The following LDAH variants were observed in gnomAD, a reference collection of about 807,000 sequenced individuals.
The protein encoded by LDAH is lipid droplet associated hydrolase.
In LDAH, 26 loss-of-function variants were observed where a neutral mutation model predicts 29.6. The ratio of observed to expected loss-of-function variants is 0.88; its 90% CI spans 0.64 to 1.22. The LOEUF (loss-of-function observed/expected upper bound fraction) is 1.22, where lower values mean the gene tolerates loss of function less well. Ranked by LOEUF, LDAH falls within the 50% of genes most tolerant of loss-of-function variation. LDAH has a pLI of 0.00. For missense variants in LDAH, 344 were observed against 387.3 expected, an observed-to-expected ratio of 0.89 and a Z score of 0.94; for synonymous variants, 117 against 133.0, an observed-to-expected ratio of 0.88 and a Z score of 0.83.
At chr2:20,687,408 C>T (rs1011196950) in intron 6 of LDAH, among the ~76,000 whole-genome samples, 5 of 152,132 alleles carry the variant, frequency 3.3e-5, no homozygotes, top group Admixed American at 2.0e-4. Context: ...GAATGAAGGC[C>T]GGTGAGGATG....
At chr2:20,753,822 A>T (rs1011185980) in intron 4 of LDAH, among the ~76,000 whole-genome samples, 3 of 152,202 alleles carry the variant, frequency 2.0e-5, no homozygotes, top group African/African-American at 7.2e-5. Flanking sequence ...TCTTGCTTAA[A>T]ATTGCAGTTA....
At chr2:20,811,515 TGCTCTGTCGCCCAG>T (rs1041668459) in intron 1 of LDAH, among the ~76,000 whole-genome samples, 2 of 150,214 alleles carry the variant, frequency 1.3e-5, no homozygotes, top group Non-Finnish European at 3.0e-5. Context: ...AGATGAGTCT[TGCTCTGTCGCCCAG>T]GCTGGAGTGC....
At chr2:20,782,134 G>A (rs1251120428) in intron 3 of LDAH, among the ~76,000 whole-genome samples, 1 of 152,170 alleles carries the variant, frequency 6.6e-6, no homozygotes, top group Non-Finnish European at 1.5e-5. Flanking sequence ...CCCAGGACCA[G>A]CAGCACCAAT....
chr2:20,793,365 G>T, intron 2 of LDAH, among the ~76,000 whole-genome samples: 1 of 152,184 alleles, frequency 6.6e-6, no homozygotes, highest in Non-Finnish European at 1.5e-5. Flanking sequence ...TGAGGGAAGA[G>T]AATAAATACT....
chr2:20,808,120 A>G (rs554940610), intron 1 of LDAH, among the ~76,000 whole-genome samples: 1 of 152,266 alleles, frequency 6.6e-6, no homozygotes, highest in South Asian at 2.1e-4. Flanking sequence ...TTAGGAATAA[A>G]TCTAACAAAT....
chr2:20,780,197 T>C (rs538640386), intron 3 of LDAH, among the ~76,000 whole-genome samples: 2 of 152,310 alleles, frequency 1.3e-5, no homozygotes, highest in Admixed American at 6.5e-5. Flanking sequence ...CTATCTTATT[T>C]AGAAAACAAA....
chr2:20,711,334 G>A (rs187842246), intron 5 of LDAH, among the ~76,000 whole-genome samples: 1 of 151,280 alleles, frequency 6.6e-6, no homozygotes, highest in East Asian at 1.9e-4. Context: ...GAAGTGGGCC[G>A]AGATTGCGCC....
chr2:20,813,776 T>C (rs1041750730), intron 1 of LDAH, among the ~76,000 whole-genome samples: 2 of 152,224 alleles, frequency 1.3e-5, no homozygotes, highest in Non-Finnish European at 2.9e-5. Flanking sequence ...GGATATAAAA[T>C]ACCTTACTCT....
Position 20,738,905 on chromosome 2 carries a change from C to T in LDAH, c.703+1066G>A, listed in dbSNP as rs1427518573. ...GTTAACTTGTTTCTAGTTCATTAGGCATGTGACCTTATGGCATTCTTAATA... is the reference window on the plus strand; with the variant it reads ...GTTAACTTGTTTCTAGTTCATTAGGTATGTGACCTTATGGCATTCTTAATA... On this transcript the variant is annotated intron_variant, in intron 5 of 6. Transcript: ENST00000237822. Among the ~76,000 whole-genome samples, 7 of 152,188 alleles carry T rather than the reference C, an allele frequency of 4.6e-5. No homozygotes were observed. In the East Asian group the frequency reaches 1.3e-3, roughly 29 times the overall value.
intron 5 of LDAH, among the ~76,000 whole-genome samples, chr2:20,735,056 T>C (rs550060716): frequency 6.6e-6 from 1 of 152,328 alleles, no homozygotes; most frequent in East Asian, 1.9e-4. Flanking sequence ...TTCAAGACAT[T>C]TTCTTTGTTT....
chr2:20,795,096 A>T (rs1266411514), intron 2 of LDAH, among the ~76,000 whole-genome samples: 1 of 152,234 alleles, frequency 6.6e-6, no homozygotes, highest in Non-Finnish European at 1.5e-5. Flanking sequence ...CAGACATGCA[A>T]GTAAAATATT....
intron 5 of LDAH, among the ~76,000 whole-genome samples, chr2:20,704,162 C>T (rs1256392540): frequency 6.6e-6 from 1 of 152,192 alleles, no homozygotes; most frequent in East Asian, 1.9e-4. Context: ...GTAGGAGATG[C>T]TCCCTTAAAT....
At chr2:20,711,904 C>G (rs1664794303) in intron 5 of LDAH, among the ~76,000 whole-genome samples, 1 of 152,208 alleles carries the variant, frequency 6.6e-6, no homozygotes, top group Non-Finnish European at 1.5e-5. Context: ...AGGGCAGAGC[C>G]CACTGCAGCA....
chr2:20,697,444 AT>A (rs1400964445), intron 6 of LDAH, among the ~76,000 whole-genome samples: 2 of 152,130 alleles, frequency 1.3e-5, no homozygotes, highest in African/African-American at 4.8e-5. Context: ...AATCCCTCTC[AT>A]TTGTTAATCT....
At chr2:20,709,960 G>A (rs984180688) in intron 5 of LDAH, among the ~76,000 whole-genome samples, 16 of 152,212 alleles carry the variant, frequency 1.1e-4, no homozygotes, top group South Asian at 1.0e-3. Context: ...AATTTATAAC[G>A]CTAAAAACTT....
At chr2:20,818,847 G>T (rs1051489298) in intron 1 of LDAH, among the ~76,000 whole-genome samples, 1 of 152,248 alleles carries the variant, frequency 6.6e-6, no homozygotes, top group Admixed American at 6.5e-5. Flanking sequence ...AAGTGGTAAT[G>T]AGTGTATGTT....
chr2:20,726,556 C>A (rs6725655), intron 5 of LDAH, among the ~76,000 whole-genome samples: 33,620 of 151,868 alleles, frequency 0.22, 4,444 homozygotes, highest in East Asian at 0.35. Flanking sequence ...AACCTTCTTC[C>A]AAGGGAAAAT....
At chr2:20,797,027 TGCTATAA>T (rs973117219) in intron 2 of LDAH, among the ~76,000 whole-genome samples, 1 of 152,232 alleles carries the variant, frequency 6.6e-6, no homozygotes, top group African/African-American at 2.4e-5. Context: ...CTCTATCCTA[TGCTATAA>T]GCTATTCCAA....
At chr2:20,789,256 G>A (rs761055133) in intron 3 of LDAH, 8 of 1,550,462 alleles carry the variant, frequency 5.2e-6, no homozygotes, top group Non-Finnish European at 7.0e-6. Flanking sequence ...ATTAGGATCA[G>A]ATGGGGTCAT....
Sources: allele counts gnomAD v4.1 joint callset (sites outside exome capture counted in the v4.1 genomes callset), GRCh38; gene constraint gnomAD v4.1.1; transcripts MANE v1.5; gene names NCBI Gene and HGNC (gene_info 2026-07-23, HGNC 2026-07-21).